The following LONP2 variants were observed in gnomAD, a reference collection of about 807,000 sequenced individuals.
LONP2 encodes lon peptidase 2, peroxisomal.
LONP2 carries 60 observed loss-of-function variants against 85.6 expected under a neutral mutation model. The ratio of observed to expected loss-of-function variants is 0.70; its 90% CI spans 0.57 to 0.87. The LOEUF (loss-of-function observed/expected upper bound fraction) is 0.87, where lower values mean the gene tolerates loss of function less well. Ranked by LOEUF, LONP2 falls within the 40% of genes least tolerant of loss-of-function variation. LONP2 has a pLI of 0.00. For synonymous variants in LONP2, 395 were observed against 389.7 expected, an observed-to-expected ratio of 1.01 and a Z score of -0.16; for missense variants, 860 against 1,063.5, an observed-to-expected ratio of 0.81 and a Z score of 2.66.
intron 4 of LONP2, among the ~76,000 whole-genome samples, chr16:48,261,084 A>G (rs1971864575): frequency 6.6e-6 from 1 of 152,226 alleles, no homozygotes. Context: ...ATGTATTTCA[A>G]GAAAATAGTG....
Position 48,299,668 on chromosome 16 carries a change from C to T in LONP2, c.1541C>T (p.Thr514Ile), listed in dbSNP as rs1011363442. Residue 514 changes from threonine (T) to isoleucine (I), a missense_variant, in exon 10 of 15, where the codon ACA becomes ATA. By Grantham distance (89) the Thr-to-Ile change is moderately conservative. Around this residue, in one of 3 missense-constraint regions of LONP2, gnomAD observed 743 missense variants for 917.3 expected, o/e 0.81. Transcript: ENST00000285737. ...RMEIIQVPGY[T>I]QEEKIEIAHR... is the part of the protein sequence containing the mutation. ...AAGATCTCTTCTTTTCCAGGTTATA[C>T]ACAGGAGGAGAAGATAGAGATTGCC... is the stretch of plus-strand genomic sequence containing the variant. The T allele has an allele frequency of 2.5e-6, 4 of 1,611,876 alleles. No individual in the cohort carries two copies. In the African/African-American group the frequency reaches 4.0e-5, roughly 16 times the overall value.
chr16:48,279,269 A>C (rs1013827553), intron 8 of LONP2, among the ~76,000 whole-genome samples: 1 of 152,166 alleles, frequency 6.6e-6, no homozygotes, highest in Non-Finnish European at 1.5e-5. Context: ...GTAAGGGACA[A>C]AAAGGCTGAT....
chr16:48,361,602 T>C (rs1459822793), downstream of LONP2: 2 of 1,613,118 alleles, frequency 1.2e-6, no homozygotes, highest in Admixed American at 1.7e-5. Context: ...AATAGTTACA[T>C]TGATGCCTAA....
At chr16:48,279,345 T>A (rs906859145) in intron 8 of LONP2, among the ~76,000 whole-genome samples, 8 of 152,094 alleles carry the variant, frequency 5.3e-5, no homozygotes, top group Admixed American at 3.9e-4. Flanking sequence ...CAGCTGGCTG[T>A]GCTGTTTGGT....
At chr16:48,293,970 T>C (rs1447205955) in intron 8 of LONP2, among the ~76,000 whole-genome samples, 1 of 152,244 alleles carries the variant, frequency 6.6e-6, no homozygotes, top group Admixed American at 6.5e-5. Context: ...GGATTTTCAC[T>C]CTGTCGCCCA....
chr16:48,350,386 C>CAA (rs71380339), intron 14 of LONP2, among the ~76,000 whole-genome samples: 5,703 of 127,600 alleles, frequency 0.045, 144 homozygotes, highest in Middle Eastern at 0.07. Flanking sequence ...AAGACTGTCT[C>CAA]AAAAAAAAAA....
rs181568335 is a variant in LONP2, at chr16:48,325,389, T to C, written c.1796-8827T>C. On this transcript the variant is annotated intron_variant, in intron 11 of 14. Transcript: ENST00000285737. ...CTATTTATCTGCAATTTTGTACCCA[T>C]TGACCAATCTCTCCCCATCCCCACT... is the stretch of plus-strand genomic sequence containing the variant. Among the ~76,000 whole-genome samples, 224 of 152,264 alleles carry C rather than the reference T, an allele frequency of 1.5e-3. 1 individual carries two copies. The highest frequency in any genetic ancestry group is 5.2e-3 in the African/African-American group (215 of 41,562).
chr16:48,313,781 A>G (rs1277680522), intron 11 of LONP2, among the ~76,000 whole-genome samples: 2 of 152,052 alleles, frequency 1.3e-5, no homozygotes, highest in African/African-American at 2.4e-5. Flanking sequence ...TAGTGCTGCA[A>G]TGAATATATA....
chr16:48,346,307 A>G (rs981200033), intron 12 of LONP2, among the ~76,000 whole-genome samples: 2 of 152,242 alleles, frequency 1.3e-5, no homozygotes, highest in East Asian at 1.9e-4. Flanking sequence ...AGTAACTTCT[A>G]TTGGATAGGA....
At chr16:48,317,516 T>TGA (rs1973171107) in intron 11 of LONP2, among the ~76,000 whole-genome samples, 1 of 152,232 alleles carries the variant, frequency 6.6e-6, no homozygotes, top group Non-Finnish European at 1.5e-5. Context: ...GCTTTAGGCT[T>TGA]CTACCTATAT....
downstream of LONP2, among the ~76,000 whole-genome samples, chr16:48,358,849 A>T (rs1490627081): frequency 6.6e-6 from 1 of 152,162 alleles, no homozygotes; most frequent in Admixed American, 6.5e-5. Context: ...GAAAAATAAA[A>T]ATGTCACCTG....
intron 10 of LONP2, among the ~76,000 whole-genome samples, chr16:48,302,080 C>T (rs181543500): frequency 4.6e-5 from 7 of 152,328 alleles, no homozygotes; most frequent in Non-Finnish European, 8.8e-5. Context: ...TATTTTATGA[C>T]TGTATCTCTA....
chr16:48,257,882 A>G (rs1013822536), intron 3 of LONP2, among the ~76,000 whole-genome samples: 4 of 152,184 alleles, frequency 2.6e-5, no homozygotes, highest in African/African-American at 9.7e-5. Context: ...TGCTCCGACA[A>G]ATCACTAGTG....
intron 1 of LONP2, among the ~76,000 whole-genome samples, chr16:48,249,519 A>G (rs1971570651): frequency 6.6e-6 from 1 of 152,202 alleles, no homozygotes; most frequent in Non-Finnish European, 1.5e-5. Context: ...TTTCACCCAC[A>G]GTGTCTCACC....
At chr16:48,341,312 A>AT (rs1299096012) in intron 12 of LONP2, among the ~76,000 whole-genome samples, 2 of 152,060 alleles carry the variant, frequency 1.3e-5, no homozygotes, top group Admixed American at 1.3e-4. Flanking sequence ...AAATAAATAA[A>AT]TAAATAAATA....
intron 1 of LONP2, among the ~76,000 whole-genome samples, chr16:48,246,821 G>A (rs1971415096): frequency 6.6e-6 from 1 of 152,104 alleles, no homozygotes; most frequent in South Asian, 2.1e-4. Flanking sequence ...GCTATCCCCT[G>A]CTTTGGCCTC....
chr16:48,275,407 T>C (rs971757856), intron 7 of LONP2, among the ~76,000 whole-genome samples: 1 of 152,158 alleles, frequency 6.6e-6, no homozygotes, highest in South Asian at 2.1e-4. Flanking sequence ...GCCTCTACTC[T>C]GTGGTAAGAC....
At chr16:48,264,059 G>C (rs1971934410) in intron 6 of LONP2, among the ~76,000 whole-genome samples, 1 of 152,164 alleles carries the variant, frequency 6.6e-6, no homozygotes, top group Non-Finnish European at 1.5e-5. Context: ...CAGGGTAATA[G>C]AATATCACAA....
At chr16:48,298,626 GGTGTGTGTGTGTGTGTGTGTGT>G (rs3138605) in intron 9 of LONP2, among the ~76,000 whole-genome samples, 2 of 134,396 alleles carry the variant, frequency 1.5e-5, no homozygotes, top group South Asian at 2.6e-4. Flanking sequence ...ATTTAATTGA[GGTGTGTGTGTGTGTGTGTGTGT>G]GTGTGTGTGT....
Sources: allele counts gnomAD v4.1 joint callset (sites outside exome capture counted in the v4.1 genomes callset), GRCh38; gene constraint gnomAD v4.1.1; regional missense constraint gnomAD v4.1.1; transcripts MANE v1.5; gene names NCBI Gene and HGNC (gene_info 2026-07-23, HGNC 2026-07-21).